Variants in CNTN5 observed in about 807,000 individuals in gnomAD.
CNTN5 encodes the protein contactin-5.
A neutral mutation model predicts 129.1 loss-of-function variants in CNTN5; 77 were observed. The ratio of observed to expected loss-of-function variants is 0.60; its 90% CI spans 0.50 to 0.72. CNTN5 has a LOEUF of 0.72. CNTN5 is among the 30% of genes least tolerant of loss of function. CNTN5 has a pLI of 0.00. For synonymous variants in CNTN5, 509 were observed against 465.6 expected, an observed-to-expected ratio of 1.09 and a Z score of -1.20; for missense variants, 1,478 against 1,328.8, an observed-to-expected ratio of 1.11 and a Z score of -1.75.
At chr11:99,057,176 G>C (rs1363049240) in intron 1 of CNTN5, among the ~76,000 whole-genome samples, 1 of 152,026 alleles carries the variant, frequency 6.6e-6, no homozygotes, top group Non-Finnish European at 1.5e-5. Context: ...ATGCACCTCT[G>C]TATGTTCTCA....
chr11:100,317,282 G>T lies in CNTN5; in HGVS notation c.2730+8814G>T, dbSNP rs193222197. ...TGGGCAGATTGTATTTACTTTGTAT[G>T]GGGGGGAGGAAATGTATATGTGTGA... On this transcript the variant is annotated intron_variant, in intron 21 of 24. Transcript: ENST00000524871. Among the ~76,000 whole-genome samples, 51 of 152,154 alleles carry T rather than the reference G, an allele frequency of 3.4e-4. 1 individual carries two copies. In the South Asian group the frequency reaches 5.0e-3, roughly 15 times the overall value.
chr11:99,031,515 G>C (rs146670065), intron 1 of CNTN5, among the ~76,000 whole-genome samples: 1 of 151,774 alleles, frequency 6.6e-6, no homozygotes, highest in Admixed American at 6.6e-5. Context: ...CTATTGGATA[G>C]AGAGGAAAAA....
chr11:100,329,141 G>A (rs539056750), intron 21 of CNTN5, among the ~76,000 whole-genome samples: 1 of 152,280 alleles, frequency 6.6e-6, no homozygotes, highest in African/African-American at 2.4e-5. Context: ...AGCAGGTTGA[G>A]GCTTGTTACT....
chr11:100,152,941 G>T (rs577147551), intron 13 of CNTN5, among the ~76,000 whole-genome samples: 3 of 152,034 alleles, frequency 2.0e-5, no homozygotes, highest in Non-Finnish European at 4.4e-5. Flanking sequence ...CTGAGCATGA[G>T]ATCACCATAA....
chr11:99,974,482 G>A (rs191126432), intron 8 of CNTN5, among the ~76,000 whole-genome samples: 1 of 152,268 alleles, frequency 6.6e-6, no homozygotes, highest in East Asian at 1.9e-4. Context: ...AATTTAAAGG[G>A]TGTGGTTAGA....
At chr11:99,540,702 T>C (rs374481067) in intron 2 of CNTN5, among the ~76,000 whole-genome samples, 44 of 152,126 alleles carry the variant, frequency 2.9e-4, no homozygotes, top group African/African-American at 9.6e-4. Flanking sequence ...AAGGGGCAAA[T>C]GATACTCAAC....
At chr11:99,370,079 A>G (rs1939734195) in intron 2 of CNTN5, among the ~76,000 whole-genome samples, 1 of 152,182 alleles carries the variant, frequency 6.6e-6, no homozygotes, top group South Asian at 2.1e-4. Flanking sequence ...GATTAACCAA[A>G]CAGAGGAATT....
At chr11:100,162,882 G>GTACTT (rs1338279847) in intron 13 of CNTN5, among the ~76,000 whole-genome samples, 2 of 151,686 alleles carry the variant, frequency 1.3e-5, no homozygotes, top group Non-Finnish European at 2.9e-5. Context: ...AAGATAGATG[G>GTACTT]TACTTAACCT....
At chr11:99,171,090 A>T (rs963291224) in intron 1 of CNTN5, among the ~76,000 whole-genome samples, 1 of 152,154 alleles carries the variant, frequency 6.6e-6, no homozygotes. Flanking sequence ...CTAACTTGTA[A>T]TCCAAAGTAT....
intron 23 of CNTN5, among the ~76,000 whole-genome samples, chr11:100,342,152 G>GACACACACACACAC (rs3220443): frequency 0.017 from 2,563 of 146,978 alleles, 82 homozygotes; most frequent in African/African-American, 0.055. Flanking sequence ...ATAGATCACA[G>GACACACACACACAC]ACACACACAC....
At chr11:100,052,500 C>G (rs1190545013) in intron 9 of CNTN5, among the ~76,000 whole-genome samples, 2 of 151,616 alleles carry the variant, frequency 1.3e-5, no homozygotes, top group Non-Finnish European at 3.0e-5. Context: ...ATAAACTAAA[C>G]AAAATACGCA....
At chr11:99,620,027 A>AAAAAAAAAAAAAAAAACAAAAAG (rs1555049924) in intron 3 of CNTN5, among the ~76,000 whole-genome samples, 3 of 129,042 alleles carry the variant, frequency 2.3e-5, no homozygotes, top group Admixed American at 8.9e-5. Context: ...CTCCGTCTCA[A>AAAAAAAAAAAAAAAAACAAAAAG]AAAAAAAAAA....
chr11:99,981,373 G>A (rs967572360), intron 8 of CNTN5, among the ~76,000 whole-genome samples: 1 of 151,998 alleles, frequency 6.6e-6, no homozygotes, highest in African/African-American at 2.4e-5. Flanking sequence ...GGTGTCCAAA[G>A]GCAGTAGAGG....
intron 2 of CNTN5, among the ~76,000 whole-genome samples, chr11:99,360,783 T>C (rs1939055047): frequency 6.6e-6 from 1 of 152,206 alleles, no homozygotes. Context: ...GGCCACACCC[T>C]TGGTGTTCTC....
intron 20 of CNTN5, among the ~76,000 whole-genome samples, chr11:100,301,814 T>C (rs1048223150): frequency 6.6e-6 from 1 of 151,650 alleles, no homozygotes; most frequent in African/African-American, 2.4e-5. Flanking sequence ...GGTCTCAAAA[T>C]AGAACATCTC....
intron 16 of CNTN5, among the ~76,000 whole-genome samples, chr11:100,234,423 A>G (rs967545751): frequency 6.6e-6 from 1 of 152,228 alleles, no homozygotes; most frequent in Non-Finnish European, 1.5e-5. Context: ...GACTTGATAA[A>G]GAAAATGTGG....
rs112802994 is a variant in CNTN5, at chr11:99,398,571, A to G, written c.-71+73087A>G. 7.1e-3 allele frequency among the ~76,000 whole-genome samples: 1,083 copies of G among 151,964 alleles called. 5 individuals are homozygous for G. Among genetic ancestry groups the G allele is most frequent in the Middle Eastern group, 0.041 (12 of 294 alleles). On this transcript the variant is annotated intron_variant, in intron 2 of 24. Coordinates refer to ENST00000524871, the MANE Select transcript of CNTN5 (RefSeq NM_014361.4). Reference sequence around the variant, plus strand: ...CACTTACCATCCCTATTTTTTGTTTACTTTTTCCAGAATATCATATAATTG... The same window carrying G: ...CACTTACCATCCCTATTTTTTGTTTGCTTTTTCCAGAATATCATATAATTG...
At chr11:99,722,195 A>G (rs920676551) in intron 3 of CNTN5, among the ~76,000 whole-genome samples, 52 of 152,320 alleles carry the variant, frequency 3.4e-4, no homozygotes, top group African/African-American at 1.2e-3. Context: ...TGTTCACTGC[A>G]GTATTATTGA....
intron 13 of CNTN5, among the ~76,000 whole-genome samples, chr11:100,124,677 G>T (rs1278726463): frequency 6.6e-6 from 1 of 151,992 alleles, no homozygotes; most frequent in Non-Finnish European, 1.5e-5. Flanking sequence ...CACAGCAAAA[G>T]ACATTTATCT....
Sources: gnomAD v4.1 joint callset for allele counts (sites outside exome capture counted in the v4.1 genomes callset) on GRCh38, gnomAD v4.1.1 for gene constraint, MANE v1.5 for transcripts, NCBI Gene and HGNC (gene_info 2026-07-23, HGNC 2026-07-21) for gene names.